The following TLK1 variants were observed in gnomAD, a reference collection of about 807,000 sequenced individuals.
TLK1 encodes the protein serine/threonine-protein kinase tousled-like 1.
TLK1 carries 24 observed loss-of-function variants against 105.3 expected under a neutral mutation model. The ratio of observed to expected loss-of-function variants is 0.23; its 90% CI spans 0.17 to 0.32. The LOEUF is 0.32. Ranked by LOEUF, TLK1 falls within the 10% of genes least tolerant of loss-of-function variation. The pLI is 1.00. For missense variants in TLK1, 558 were observed against 910.5 expected, an observed-to-expected ratio of 0.61 and a Z score of 4.98; for synonymous variants, 321 against 310.4, an observed-to-expected ratio of 1.03 and a Z score of -0.36.
At chr2:171,219,997 C>T (rs1442827246) in intron 1 of TLK1, among the ~76,000 whole-genome samples, 1 of 152,116 alleles carries the variant, frequency 6.6e-6, no homozygotes, top group Non-Finnish European at 1.5e-5. Context: ...AACATTATCG[C>T]TTTGGGGGTT....
intron 2 of TLK1, among the ~76,000 whole-genome samples, chr2:171,088,294 T>C (rs1437472740): frequency 6.6e-6 from 1 of 152,128 alleles, no homozygotes; most frequent in African/African-American, 2.4e-5. Flanking sequence ...ACAGTGCCAC[T>C]GCGCTCCACC....
chr2:171,096,162 T>G (rs563090123), intron 2 of TLK1, among the ~76,000 whole-genome samples: 15 of 152,126 alleles, frequency 9.9e-5, no homozygotes, highest in Admixed American at 5.2e-4. Flanking sequence ...TGGAGTCAGT[T>G]AAACTAATTC....
intron 11 of TLK1, among the ~76,000 whole-genome samples, chr2:171,033,578 A>G (rs1686157387): frequency 1.3e-5 from 2 of 148,210 alleles, no homozygotes; most frequent in African/African-American, 4.9e-5. Context: ...TGGAATGTTT[A>G]TAACAAAGAA....
chr2:171,213,681 T>C (rs971871126), intron 1 of TLK1, among the ~76,000 whole-genome samples: 1 of 150,290 alleles, frequency 6.7e-6, no homozygotes, highest in African/African-American at 2.4e-5. Flanking sequence ...TCCCAGTTAG[T>C]TGGGAGGCTG....
At chr2:171,111,832 A>G (rs577447608) in intron 2 of TLK1, among the ~76,000 whole-genome samples, 5 of 152,334 alleles carry the variant, frequency 3.3e-5, no homozygotes, top group Non-Finnish European at 1.5e-5. Context: ...GTGTATATAC[A>G]TTTGTCAAAA....
At chr2:171,228,473 C>T (rs887346988) in intron 1 of TLK1, among the ~76,000 whole-genome samples, 22 of 152,162 alleles carry the variant, frequency 1.4e-4, no homozygotes, top group Non-Finnish European at 3.1e-4. Context: ...ACTGCTTGAG[C>T]CCAGGAGTTC....
chr2:171,016,154 T>C (rs905528739), intron 12 of TLK1, among the ~76,000 whole-genome samples: 1 of 152,128 alleles, frequency 6.6e-6, no homozygotes, highest in Non-Finnish European at 1.5e-5. Flanking sequence ...TGAAAGTTTC[T>C]AGCCCAATTT....
chr2:171,218,587 G>A (rs999252427), intron 1 of TLK1, among the ~76,000 whole-genome samples: 4 of 152,152 alleles, frequency 2.6e-5, no homozygotes, highest in Non-Finnish European at 4.4e-5. Context: ...AGTTTTGGGG[G>A]CTGGGAAGTC....
chr2:171,051,832 T>C (rs1687256483), intron 8 of TLK1, among the ~76,000 whole-genome samples: 1 of 152,204 alleles, frequency 6.6e-6, no homozygotes, highest in African/African-American at 2.4e-5. Flanking sequence ...GGAAACAAGA[T>C]TTTATGATGA....
intron 3 of TLK1, among the ~76,000 whole-genome samples, chr2:171,071,742 G>T (rs985141084): frequency 6.6e-6 from 1 of 152,070 alleles, no homozygotes; most frequent in Non-Finnish European, 1.5e-5. Flanking sequence ...AACCCATTTT[G>T]ATTTGATTTT....
chr2:171,148,038 G>A (rs1324313632), intron 1 of TLK1, among the ~76,000 whole-genome samples: 1 of 151,988 alleles, frequency 6.6e-6, no homozygotes, highest in Non-Finnish European at 1.5e-5. Flanking sequence ...TTTCAGGCGT[G>A]TGCCACCACG....
At chr2:171,203,457 G>T (rs899171275) in intron 1 of TLK1, among the ~76,000 whole-genome samples, 1 of 152,124 alleles carries the variant, frequency 6.6e-6, no homozygotes, top group Admixed American at 6.5e-5. Context: ...TTGTCTTTTT[G>T]TGACTGGCTT....
chr2:171,047,128 A>G (rs1331366492), intron 10 of TLK1, among the ~76,000 whole-genome samples: 1 of 152,234 alleles, frequency 6.6e-6, no homozygotes, highest in East Asian at 1.9e-4. Context: ...TTCCCATTCA[A>G]GAAACTGAAA....
chr2:171,219,650 G>C (rs1177734377), intron 1 of TLK1, among the ~76,000 whole-genome samples: 2 of 151,756 alleles, frequency 1.3e-5, no homozygotes, highest in Non-Finnish European at 2.9e-5. Flanking sequence ...ACCCAGGCTG[G>C]AGTGCAGTGG....
intron 3 of TLK1, among the ~76,000 whole-genome samples, chr2:171,074,975 G>A (rs547063027): frequency 6.6e-6 from 1 of 151,512 alleles, no homozygotes; most frequent in Admixed American, 6.6e-5. Flanking sequence ...ACAGTAAATC[G>A]ATTTTTAAAG....
intron 3 of TLK1, among the ~76,000 whole-genome samples, chr2:171,066,477 T>C (rs965596243): frequency 6.6e-6 from 1 of 152,214 alleles, no homozygotes; most frequent in Non-Finnish European, 1.5e-5. Context: ...CATACATTTT[T>C]GTAAAGGCTG....
At chr2:171,122,952 T>A (rs1039030921) in intron 1 of TLK1, among the ~76,000 whole-genome samples, 3 of 151,260 alleles carry the variant, frequency 2.0e-5, no homozygotes, top group East Asian at 1.9e-4. Flanking sequence ...GGCACAAGAA[T>A]CACTTGAACC....
chr2:171,134,890 T>C (rs1341582780), intron 1 of TLK1, among the ~76,000 whole-genome samples: 5 of 152,038 alleles, frequency 3.3e-5, no homozygotes, highest in Non-Finnish European at 7.4e-5. Context: ...CATGTGCCAC[T>C]GAGCCGGACC....
At chr2:171,197,855 A>T (rs1447266565) in intron 1 of TLK1, among the ~76,000 whole-genome samples, 1 of 152,074 alleles carries the variant, frequency 6.6e-6, no homozygotes, top group Non-Finnish European at 1.5e-5. Flanking sequence ...CTTGGGCTCT[A>T]CTCCAAACTT....
Sources: allele counts gnomAD v4.1 joint callset (sites outside exome capture counted in the v4.1 genomes callset), GRCh38; gene constraint gnomAD v4.1.1; transcripts MANE v1.5; gene names NCBI Gene and HGNC (gene_info 2026-07-23, HGNC 2026-07-21).